The following HPS1 variants were observed in gnomAD, a reference collection of about 807,000 sequenced individuals.
HPS1 encodes HPS1 biogenesis of lysosomal organelles complex 3 subunit 1, also known as BLOC-3 complex member HPS1.
HPS1 carries 59 observed loss-of-function variants against 90.6 expected under a neutral mutation model. The ratio of observed to expected loss-of-function variants is 0.65; its 90% CI spans 0.53 to 0.81. The LOEUF is 0.81. Among genes scored for constraint, HPS1 ranks in the 30% least tolerant of loss-of-function variants. The pLI, the probability that HPS1 is intolerant of heterozygous loss-of-function variation, is 0.00. For synonymous variants in HPS1, 388 were observed against 384.4 expected (o/e 1.01, Z -0.11); for missense variants, 849 against 896.7 (o/e 0.95, Z 0.68).
downstream of HPS1, chr10:98,414,847 AG>A (rs1843939123): frequency 2.7e-6 from 3 of 1,100,960 alleles, no homozygotes; most frequent in Non-Finnish European, 3.7e-6. Flanking sequence ...GCCAGATGGA[AG>A]GGCTTTCCAT....
chr10:98,419,858 C>G (rs967647420), intron 18 of HPS1, among the ~76,000 whole-genome samples, 187 bp downstream of exon 18: 1 of 152,246 alleles, frequency 6.6e-6, no homozygotes, highest in African/African-American at 2.4e-5. Flanking sequence ...GCAGAGGGAT[C>G]ACAAAGCAGT....
intron 18 of HPS1, 147 bp from the exon 19 acceptor site, chr10:98,418,404 T>G (rs1844400780): frequency 5.8e-6 from 3 of 513,680 alleles, no homozygotes; most frequent in Non-Finnish European, 1.1e-5. Context: ...ATCTTTGAAG[T>G]CAGAATGACA....
At position 98,432,945 on chromosome 10, in the gene HPS1, A is replaced by C. The variant is rs141608319; in HGVS notation, c.507+1038T>G. On this transcript the variant is annotated intron_variant, in intron 6 of 19. Transcript: ENST00000361490. ...CACCTGGGAATTTTTTAGAAATGGA[A>C]GTTCTAGGGCCGGGCACTGTGGCTC... is the stretch of plus-strand genomic sequence containing the variant. Among the ~76,000 whole-genome samples the C allele has an allele frequency of 2.0e-5, 3 of 152,314 alleles. No homozygotes were observed. In the East Asian group the frequency reaches 5.8e-4, roughly 29 times the overall value.
At chr10:98,425,788 T>TAA in intron 12 of HPS1, 30 bp downstream of exon 12, 1 of 1,607,018 alleles carries the variant, frequency 6.2e-7, no homozygotes, top group Non-Finnish European at 8.5e-7. Flanking sequence ...ACCCTAAGCA[T>TAA]CATCAGGGCA....
At chr10:98,414,849 G>GGCT, downstream of HPS1, 1 of 1,127,946 alleles carries the variant, frequency 8.9e-7, no homozygotes. Flanking sequence ...CAGATGGAAG[G>GGCT]GCTTTCCATT....
At chr10:98,432,010 T>C (rs1846543539) in intron 6 of HPS1, among the ~76,000 whole-genome samples, 1 of 152,246 alleles carries the variant, frequency 6.6e-6, no homozygotes, top group Admixed American at 6.5e-5. Flanking sequence ...CTAGTTATAT[T>C]TCAAATGTTC....
At chr10:98,427,467 T>G (rs1481312548) in intron 10 of HPS1, among the ~76,000 whole-genome samples, 1 of 152,194 alleles carries the variant, frequency 6.6e-6, no homozygotes. Flanking sequence ...GTACCAGGGC[T>G]AAGGCGGCCT....
chr10:98,424,609 C>T (rs1031887927), intron 13 of HPS1, among the ~76,000 whole-genome samples: 1 of 152,164 alleles, frequency 6.6e-6, no homozygotes, highest in South Asian at 2.1e-4. Flanking sequence ...GGCTCGCTGT[C>T]TGACGGGCAC....
rs747869418 is a variant in HPS1 at position 98,423,893 on chromosome 10, C to A, written c.1398-6G>T. The stretch of plus-strand genomic sequence containing the variant: ...TCCCACATGCCTGGAGCAGCCTGAG[C>A]ACGAGAGAGGAGGGCATTACAGCAG... On this transcript the variant is annotated splice_polypyrimidine_tract_variant and splice_region_variant and intron_variant, in intron 14 of 19. Coordinates refer to ENST00000361490, the MANE Select transcript of HPS1 (RefSeq NM_000195.5). 4 of 1,613,434 alleles carry A rather than the reference C, an allele frequency of 2.5e-6. No homozygotes were observed. In the Admixed American group the frequency reaches 6.7e-5, roughly 27 times the overall value.
intron 10 of HPS1, 24 bp downstream of exon 10, chr10:98,429,549 C>T: frequency 6.2e-7 from 1 of 1,614,198 alleles, no homozygotes; most frequent in Non-Finnish European, 8.5e-7. Context: ...CTATTGTTTC[C>T]TCCTGCTTTC....
rs1847248052 is a variant in HPS1 at position 98,435,855 on chromosome 10, T to C, written c.118-83A>G. On this transcript the variant is annotated intron_variant, in intron 3 of 19. Transcript: ENST00000361490. This position sits in a 1 kb window ranked among gnomAD's most constrained non-coding sequence, Gnocchi z 4.3. ...GAAGGGACAAGATCAGGCCTTGATA[T>C]CAAGGGTTCCATAGTGTTAGACCCT... 5 of 1,575,650 alleles carry C rather than the reference T, an allele frequency of 3.2e-6. No individual in the cohort carries two copies. The South Asian group carries it at 5.6e-5, about 18-fold the overall frequency.
intron 10 of HPS1, among the ~76,000 whole-genome samples, 155 bp from the exon 11 acceptor site, chr10:98,427,419 C>G (rs977700523): frequency 3.3e-5 from 5 of 152,236 alleles, no homozygotes; most frequent in African/African-American, 1.2e-4. Context: ...GGCAACACCC[C>G]TTCATCCTAA....
At chr10:98,432,089 A>AT (rs2136221239) in intron 6 of HPS1, among the ~76,000 whole-genome samples, 1 of 152,372 alleles carries the variant, frequency 6.6e-6, no homozygotes, top group East Asian at 1.9e-4. Context: ...TGAAACTTAA[A>AT]GAAGTTTCAT....
rs777335924 is a variant in HPS1, at chr10:98,420,088, C to G, written c.1814G>C (p.Gly605Ala). ...KGYTTLLFQE[G>A]DFYCSYFLWF... Reference sequence around the variant, plus strand: ...CAGGAAGTAGGAGCAGTAGAAATCCCCCTCCTGGAACAGCAGCGTGGTGTA... The same window carrying G: ...CAGGAAGTAGGAGCAGTAGAAATCCGCCTCCTGGAACAGCAGCGTGGTGTA... Residue 605 changes from glycine to alanine, a missense_variant, in exon 18 of 20, where the codon GGG (glycine) becomes GCG (alanine). Coordinates refer to ENST00000361490, the MANE Select transcript of HPS1 (RefSeq NM_000195.5). 6 of 1,614,048 alleles carry G rather than the reference C, an allele frequency of 3.7e-6. No homozygotes were observed. Among genetic ancestry groups the G allele is most frequent in the Non-Finnish European group, 5.1e-6 (6 of 1,179,894 alleles).
intron 3 of HPS1, among the ~76,000 whole-genome samples, chr10:98,441,863 C>T (rs1938483726): frequency 6.6e-6 from 1 of 152,066 alleles, no homozygotes; most frequent in Admixed American, 6.5e-5. Context: ...AGGAACTGAA[C>T]TCTCAAACAC....
chr10:98,421,156 C>T (rs1037391319), intron 17 of HPS1, among the ~76,000 whole-genome samples: 6 of 152,210 alleles, frequency 3.9e-5, no homozygotes, highest in East Asian at 1.9e-4. Context: ...GAGGGACAGG[C>T]GATCTGCTCC....
chr10:98,421,183 T>C (rs10786419), intron 17 of HPS1, among the ~76,000 whole-genome samples: 72,544 of 152,152 alleles, frequency 0.48, 20,187 homozygotes, highest in African/African-American at 0.77. Flanking sequence ...CATCGCCGTG[T>C]GATTACTCAT....
At chr10:98,427,761 G>A (rs917782822) in intron 10 of HPS1, among the ~76,000 whole-genome samples, 20 of 152,078 alleles carry the variant, frequency 1.3e-4, no homozygotes, top group Admixed American at 8.5e-4. Context: ...CTAATATAAC[G>A]CACAAAAACC....
rs546153939 is a variant in HPS1 at position 98,424,768 on chromosome 10, G to A, written c.1336-394C>T. Among the ~76,000 whole-genome samples the A allele has an allele frequency of 1.3e-4, 19 of 151,778 alleles. No individual in the cohort carries two copies. The South Asian group carries it at 3.9e-3, about 32-fold the overall frequency. ...GGCATGGGGTAGCCATGCAGGGGGC[G>A]GCCTCACGGGATCTCTATAAAGCAG... On this transcript the variant is annotated intron_variant, in intron 13 of 19. Transcript: ENST00000361490.
Sources: allele counts gnomAD v4.1 joint callset (sites outside exome capture counted in the v4.1 genomes callset), GRCh38; gene constraint gnomAD v4.1.1; non-coding constraint Gnocchi (gnomAD v3.1); transcripts MANE v1.5; gene names NCBI Gene and HGNC (gene_info 2026-07-23, HGNC 2026-07-21).